Variants in TBCE observed in about 807,000 individuals in gnomAD.
TBCE encodes tubulin folding cofactor E, also known as tubulin-specific chaperone E.
Under a neutral mutation model 77.0 loss-of-function variants are expected in TBCE, and 53 were observed. The observed-to-expected ratio is 0.69, with a 90% CI of 0.55 to 0.87. The LOEUF is 0.87. Among genes scored for constraint, TBCE ranks in the 40% least tolerant of loss-of-function variants. The pLI is 0.00. For missense variants in TBCE, 624 were observed against 622.4 expected, an observed-to-expected ratio of 1.00 and a Z score of -0.03; for synonymous variants, 235 against 241.3, an observed-to-expected ratio of 0.97 and a Z score of 0.24.
chr1:235,408,009 G>A (rs554849979), intron 3 of TBCE, among the ~76,000 whole-genome samples: 1 of 152,220 alleles, frequency 6.6e-6, no homozygotes, highest in East Asian at 1.9e-4. Context: ...CTTTTCTGGT[G>A]AGAAATAAAT....
intron 3 of TBCE, among the ~76,000 whole-genome samples, chr1:235,406,880 G>A (rs1679467347): frequency 7.0e-6 from 1 of 142,912 alleles, no homozygotes; most frequent in Admixed American, 7.4e-5. Context: ...TGTTGCCCAG[G>A]CTGGAGTGCA....
At chr1:235,432,303 C>A (rs1009713855) in intron 7 of TBCE, among the ~76,000 whole-genome samples, 3 of 152,180 alleles carry the variant, frequency 2.0e-5, no homozygotes, top group African/African-American at 7.2e-5. Flanking sequence ...CACTTTCAAA[C>A]CAAGGGTGTA....
chr1:235,388,734 C>T (rs1678189819), intron 2 of TBCE, among the ~76,000 whole-genome samples: 1 of 152,222 alleles, frequency 6.6e-6, no homozygotes, highest in African/African-American at 2.4e-5. Context: ...TAGAGATTTA[C>T]ACTTAGAAAG....
rs369413849 is a variant in TBCE at position 235,427,252 on chromosome 1, G to C, written c.560+13G>C. ...TCCTTAATGTCAGGTATGAACTCTT[G>C]GTTGCTGAATCTTCATTAACAATAA... On this transcript the variant is annotated intron_variant, in intron 6 of 16. Transcript: ENST00000642610. 1 of 1,569,506 alleles carries C rather than the reference G, an allele frequency of 6.4e-7. No homozygotes were observed. The highest frequency in any genetic ancestry group is 8.8e-7 in the Non-Finnish European group (1 of 1,139,980).
intron 6 of TBCE, chr1:235,429,772 C>G (rs1680977673): frequency 6.6e-6 from 1 of 150,906 alleles, no homozygotes; most frequent in Non-Finnish European, 1.5e-5. Context: ...GGCTGGAGTA[C>G]AGTGGTATGA....
intron 6 of TBCE, chr1:235,429,409 A>G (rs1680958172): frequency 6.6e-6 from 1 of 152,132 alleles, no homozygotes; most frequent in South Asian, 2.1e-4. Flanking sequence ...GATGAGTTAG[A>G]TTTTCATTGA....
intron 14 of TBCE, among the ~76,000 whole-genome samples, chr1:235,442,250 A>C (rs752971871): frequency 1.3e-5 from 2 of 152,108 alleles, no homozygotes; most frequent in Admixed American, 6.5e-5. Context: ...GGCTCACCGC[A>C]ACCTCCGCCT....
At chr1:235,448,550 T>G in intron 16 of TBCE, 110 bp downstream of exon 16, 1 of 1,366,756 alleles carries the variant, frequency 7.3e-7, no homozygotes, top group Non-Finnish European at 1.0e-6. Context: ...ACCATGGGTC[T>G]GTTTGTTTGA....
At chr1:235,370,831 T>C (rs1198229564) in intron 1 of TBCE, among the ~76,000 whole-genome samples, 1 of 147,314 alleles carries the variant, frequency 6.8e-6, no homozygotes, top group Admixed American at 7.0e-5. Context: ...AACCTCCGCC[T>C]CCCGGGTTCA....
chr1:235,383,251 A>AT (rs1313670454), intron 2 of TBCE, among the ~76,000 whole-genome samples: 2 of 151,808 alleles, frequency 1.3e-5, no homozygotes, highest in Non-Finnish European at 2.9e-5. Flanking sequence ...AGGTAGTGTG[A>AT]TGCCTCCAGC....
intron 13 of TBCE, chr1:235,441,514 G>GT: frequency 2.5e-6 from 1 of 405,144 alleles, no homozygotes. Flanking sequence ...GAACAATGAT[G>GT]TAATACACAT....
intron 1 of TBCE, among the ~76,000 whole-genome samples, chr1:235,371,336 G>A (rs1406970628): frequency 2.0e-5 from 3 of 149,542 alleles, no homozygotes; most frequent in East Asian, 2.0e-4. Context: ...GATTACAGGC[G>A]TGAGCCACCG....
chr1:235,445,910 C>T (rs1250286003), intron 15 of TBCE, among the ~76,000 whole-genome samples: 4 of 152,284 alleles, frequency 2.6e-5, no homozygotes, highest in African/African-American at 7.2e-5. Context: ...AAGGCACTGT[C>T]GTGTGTCACC....
chr1:235,427,016 T>A, intron 5 of TBCE, 124 bp from the exon 6 acceptor site: 4 of 708,920 alleles, frequency 5.6e-6, no homozygotes. Flanking sequence ...CCTGAAAAAA[T>A]TTGAAGCTGA....
At position 235,396,210 on chromosome 1, in the gene TBCE, C is replaced by T. The variant is rs189860341; in HGVS notation, c.101-5293C>T. Among the ~76,000 whole-genome samples the T allele has an allele frequency of 9.9e-5, 15 of 152,174 alleles. No homozygotes were observed. In the East Asian group the frequency reaches 2.5e-3, roughly 25 times the overall value. ...AGTAGCTGGGACTACGGGTGCCCAC[C>T]ACCACGCCCGGCTAATTTTTTGTAT... On this transcript the variant is annotated intron_variant, in intron 2 of 16. Transcript: ENST00000642610.
chr1:235,436,322 T>G, intron 9 of TBCE, 64 bp from the exon 10 acceptor site: 1 of 1,506,188 alleles, frequency 6.6e-7, no homozygotes, highest in Non-Finnish European at 9.2e-7. Context: ...AAACCGAGTC[T>G]GGTTGATACC....
chr1:235,380,046 T>A lies in TBCE; in HGVS notation c.-4T>A, dbSNP rs1677527831. 5 of 1,612,036 alleles carry A rather than the reference T, an allele frequency of 3.1e-6. No individual in the cohort carries two copies. Among genetic ancestry groups the A allele is most frequent in the African/African-American group, 1.3e-5 (1 of 74,834 alleles). ...CTCATATTTTGGATTCTGGATATATTATAATGAGTGACACTTTGACAGCGG... is the reference window on the plus strand; with the variant it reads ...CTCATATTTTGGATTCTGGATATATAATAATGAGTGACACTTTGACAGCGG... On this transcript the variant is annotated 5_prime_UTR_variant, in exon 2 of 17. Transcript: ENST00000642610.
At chr1:235,408,979 T>A (rs1181322103) in intron 3 of TBCE, among the ~76,000 whole-genome samples, 1 of 150,536 alleles carries the variant, frequency 6.6e-6, no homozygotes, top group Non-Finnish European at 1.5e-5. Context: ...AAATGCATAG[T>A]GAACTTTGGA....
rs2291688 is a variant in TBCE at position 235,430,935 on chromosome 1, A to G, written c.660+131A>G. The G allele has an allele frequency of 0.5, 382,202 of 762,996 alleles. 98,000 individuals carry two copies. Among genetic ancestry groups the G allele is most frequent in the East Asian group, 0.61 (21,620 of 35,158 alleles). The allele number at this position is 762,996 out of a possible 1,614,324, so 47.3% of individuals were successfully genotyped here. ...AAATCATCCCAGTATCTATTAATAG[A>G]TAACAAGATTCATTAAAGTGCCTTA... On this transcript the variant is annotated intron_variant, in intron 7 of 16. Coordinates refer to ENST00000642610, the MANE Select transcript of TBCE (RefSeq NM_003193.5).
Sources: gnomAD v4.1 joint callset for allele counts (sites outside exome capture counted in the v4.1 genomes callset) on GRCh38, gnomAD v4.1.1 for gene constraint, MANE v1.5 for transcripts, NCBI Gene and HGNC (gene_info 2026-07-23, HGNC 2026-07-21) for gene names.